Variants in CSMD1 observed in about 807,000 individuals in gnomAD.
CSMD1 encodes the protein CUB and Sushi multiple domains 1, also known as CUB and sushi domain-containing protein 1.
In CSMD1, 213 loss-of-function variants were observed where a neutral mutation model predicts 417.5. The observed-to-expected ratio is 0.51, with a 90% CI of 0.46 to 0.57. The LOEUF (loss-of-function observed/expected upper bound fraction) is 0.57. CSMD1 is among the 20% of genes least tolerant of loss of function. CSMD1 has a pLI of 0.00. For synonymous variants in CSMD1, 2,862 were observed against 1,736.8 expected (o/e 1.65, Z -16.11); for missense variants, 6,923 against 4,529.7 (o/e 1.53, Z -15.17).
At chr8:3,891,993 C>G (rs568871065) in intron 5 of CSMD1, among the ~76,000 whole-genome samples, 13 of 151,530 alleles carry the variant, frequency 8.6e-5, no homozygotes, top group African/African-American at 2.9e-4. Flanking sequence ...AATATTAGCA[C>G]ACGATACTAT....
At chr8:4,733,787 C>A (rs1810050401) in intron 1 of CSMD1, among the ~76,000 whole-genome samples, 3 of 152,142 alleles carry the variant, frequency 2.0e-5, no homozygotes, top group African/African-American at 7.2e-5. Context: ...ACGACAAAAT[C>A]CTTCATGACT....
intron 2 of CSMD1, among the ~76,000 whole-genome samples, chr8:4,548,795 C>A (rs965868108): frequency 1.3e-5 from 2 of 152,056 alleles, no homozygotes; most frequent in Non-Finnish European, 2.9e-5. Context: ...TCACGGGAAA[C>A]CATGCAACAA....
At chr8:4,578,837 A>T (rs1308806688) in intron 2 of CSMD1, among the ~76,000 whole-genome samples, 1 of 148,528 alleles carries the variant, frequency 6.7e-6, no homozygotes, top group East Asian at 2.0e-4. Context: ...AAACAAACCT[A>T]TCTTTACAAG....
In CSMD1 at chr8:2,949,407, G is replaced by GAAAAT. The variant is rs750088444; in HGVS notation, c.10315-22_10315-21insATTTT. On this transcript the variant is annotated intron_variant, in intron 67 of 69. Transcript: ENST00000635120. ...GACACCTGACACATAGGAAAGAAAA[G>GAAAAT]AAAAGAAATAAAAAGGTATACGAAG... 2.5e-4 allele frequency: 325 copies of GAAAAT among 1,311,344 alleles called. 1 individual carries two copies. The African/African-American group carries it at 2.6e-3, about 10-fold the overall frequency. 81.2% of individuals were successfully genotyped at this position (1,311,344 alleles called of 1,614,324 possible). A position where few individuals can be genotyped will look rare whatever the true frequency, so the allele number is the denominator to read the frequency against.
intron 12 of CSMD1, among the ~76,000 whole-genome samples, chr8:3,440,357 A>G (rs1814892378): frequency 6.6e-6 from 1 of 152,182 alleles, no homozygotes; most frequent in Non-Finnish European, 1.5e-5. Flanking sequence ...TATGAGTCCT[A>G]TACATATACA....
chr8:4,097,019 C>A (rs563129425), intron 3 of CSMD1, among the ~76,000 whole-genome samples: 7 of 152,230 alleles, frequency 4.6e-5, no homozygotes, highest in African/African-American at 1.7e-4. Context: ...ATTATTTTTC[C>A]ACCCCCATCT....
chr8:4,527,426 C>A lies in CSMD1; in HGVS notation c.303-107361G>T, dbSNP rs57885492. Among the ~76,000 whole-genome samples the A allele has an allele frequency of 2.8e-3, 419 of 152,264 alleles. 5 individuals are homozygous for A. Among genetic ancestry groups the A allele is most frequent in the East Asian group, 8.9e-3 (46 of 5,184 alleles). On this transcript the variant is annotated intron_variant, in intron 2 of 69. Transcript: ENST00000635120. ...TTTTCTGAACTTATTTTAGGCCATGCAATTGCCTTTACCTATCCTTCTGGC... is the reference window on the plus strand; with the variant it reads ...TTTTCTGAACTTATTTTAGGCCATGAAATTGCCTTTACCTATCCTTCTGGC...
chr8:3,722,491 C>A (rs1015185784), intron 6 of CSMD1, among the ~76,000 whole-genome samples: 7 of 152,118 alleles, frequency 4.6e-5, no homozygotes, highest in South Asian at 2.1e-4. Flanking sequence ...CCATTCTCTC[C>A]TGAAAAGCAG....
chr8:4,095,689 T>C (rs1177562605), intron 3 of CSMD1, among the ~76,000 whole-genome samples: 4 of 152,200 alleles, frequency 2.6e-5, no homozygotes, highest in Non-Finnish European at 5.9e-5. Flanking sequence ...TAAAAGGTTA[T>C]AGAAGCTATG....
intron 7 of CSMD1, among the ~76,000 whole-genome samples, chr8:3,675,258 C>A (rs1799313635): frequency 6.6e-6 from 1 of 152,186 alleles, no homozygotes; most frequent in Non-Finnish European, 1.5e-5. Flanking sequence ...ACCTGGCTGG[C>A]ATGTGCGTGC....
At chr8:4,828,277 T>G (rs1799948424) in intron 1 of CSMD1, among the ~76,000 whole-genome samples, 1 of 152,212 alleles carries the variant, frequency 6.6e-6, no homozygotes, top group African/African-American at 2.4e-5. Context: ...GTACTTTTGT[T>G]ACCTTCAATG....
rs759950821 is a variant in CSMD1 at position 2,961,201 on chromosome 8, G to A, written c.9642C>T (p.Asn3214=). The A allele has an allele frequency of 6.3e-6, 10 of 1,594,698 alleles. No individual in the cohort carries two copies. Among genetic ancestry groups the A allele is most frequent in the African/African-American group, 2.7e-5 (2 of 74,746 alleles). Residue 3214 remains asparagine (N), a synonymous_variant, in exon 62 of 70, where the codon AAC becomes AAT. Transcript: ENST00000635120. ...GTGGCGTACCAGGGTCTGGGCAGGT[G>A]TTATGAGCAGGATCTGAAATTTGTG... The part of the protein sequence containing the change: ...IQPTCIDPAH[N]TCPDPGTPHF...
chr8:3,170,087 G>A (rs1044638185), intron 37 of CSMD1, among the ~76,000 whole-genome samples: 3 of 152,266 alleles, frequency 2.0e-5, no homozygotes, highest in Non-Finnish European at 4.4e-5. Context: ...CCTTTGCGGC[G>A]CTGCTGTGGC....
At chr8:3,630,807 A>C (rs776560754) in intron 7 of CSMD1, among the ~76,000 whole-genome samples, 71 of 152,188 alleles carry the variant, frequency 4.7e-4, no homozygotes, top group Non-Finnish European at 1.5e-4. Context: ...CACGATTTGG[A>C]AGGTCAAGAG....
intron 10 of CSMD1, among the ~76,000 whole-genome samples, chr8:3,572,880 G>T (rs1800001719): frequency 6.6e-6 from 1 of 152,040 alleles, no homozygotes; most frequent in African/African-American, 2.4e-5. Flanking sequence ...CTAACCTTCA[G>T]AACTTTTCTA....
chr8:4,205,787 T>C, intron 3 of CSMD1, among the ~76,000 whole-genome samples: 1 of 152,058 alleles, frequency 6.6e-6, no homozygotes, highest in Admixed American at 6.5e-5. Flanking sequence ...TAGATGCCTG[T>C]GTTAGATATT....
intron 23 of CSMD1, among the ~76,000 whole-genome samples, chr8:3,316,020 T>C (rs1805728562): frequency 6.6e-6 from 1 of 152,196 alleles, no homozygotes; most frequent in Admixed American, 6.5e-5. Flanking sequence ...ACTTTCTCAC[T>C]GATTTTTTTA....
chr8:3,690,366 A>C (rs1563276188), intron 7 of CSMD1, among the ~76,000 whole-genome samples: 1 of 152,226 alleles, frequency 6.6e-6, no homozygotes, highest in Admixed American at 6.5e-5. Flanking sequence ...AAAACAAAAC[A>C]AAACAAAAAT....
chr8:4,431,271 T>C (rs184701932), intron 2 of CSMD1, among the ~76,000 whole-genome samples: 21 of 152,304 alleles, frequency 1.4e-4, no homozygotes, highest in African/African-American at 5.1e-4. Context: ...AATAATAATA[T>C]GCAAATTTAT....
Sources: allele counts gnomAD v4.1 joint callset (sites outside exome capture counted in the v4.1 genomes callset), GRCh38; gene constraint gnomAD v4.1.1; transcripts MANE v1.5; gene names NCBI Gene and HGNC (gene_info 2026-07-23, HGNC 2026-07-21).